The following SPTBN1 variants were observed in gnomAD, a reference collection of about 807,000 sequenced individuals.
SPTBN1 encodes the protein spectrin beta chain, non-erythrocytic 1.
A neutral mutation model predicts 266.4 loss-of-function variants in SPTBN1; 32 were observed. That is an observed-to-expected ratio of 0.12 (90% CI 0.09 to 0.16). SPTBN1 has a LOEUF of 0.16. SPTBN1 is among the 10% of genes least tolerant of loss of function. The pLI, the probability that SPTBN1 is intolerant of heterozygous loss-of-function variation, is 1.00. For missense variants in SPTBN1, 2,296 were observed against 3,067.1 expected (o/e 0.75, Z 5.94); for synonymous variants, 1,336 against 1,162.2 (o/e 1.15, Z -3.04).
At chr2:54,596,474 C>T (rs1676099501) in intron 2 of SPTBN1, among the ~76,000 whole-genome samples, 2 of 152,124 alleles carry the variant, frequency 1.3e-5, no homozygotes, top group Admixed American at 6.5e-5. Flanking sequence ...TCCTGCCCCT[C>T]GTGTGTTATG....
At chr2:54,576,889 G>C (rs1674522541) in intron 2 of SPTBN1, among the ~76,000 whole-genome samples, 2 of 152,154 alleles carry the variant, frequency 1.3e-5, no homozygotes, top group African/African-American at 4.8e-5. Flanking sequence ...CCTGGGATGT[G>C]GGGGAAGCAT....
At chr2:54,492,852 T>C (rs1457608228) in intron 1 of SPTBN1, among the ~76,000 whole-genome samples, 1 of 152,210 alleles carries the variant, frequency 6.6e-6, no homozygotes, top group African/African-American at 2.4e-5. Context: ...AGACTCTGTT[T>C]AGCTCTGTTA....
chr2:54,651,024 C>G (rs1026506536), intron 26 of SPTBN1, among the ~76,000 whole-genome samples: 1 of 152,118 alleles, frequency 6.6e-6, no homozygotes. Context: ...AGCTTTGGTT[C>G]CCTAATAGTT....
At chr2:54,492,349 GT>G (rs542155672) in intron 1 of SPTBN1, among the ~76,000 whole-genome samples, 68 of 132,624 alleles carry the variant, frequency 5.1e-4, no homozygotes, top group Non-Finnish European at 7.7e-4. Context: ...TTGTTTTTTT[GT>G]TTTTTTTTTT....
At chr2:54,521,565 G>A (rs1439891617) in intron 1 of SPTBN1, among the ~76,000 whole-genome samples, 1 of 152,164 alleles carries the variant, frequency 6.6e-6, no homozygotes, top group East Asian at 1.9e-4. Context: ...TTGGGCTGGA[G>A]TGCAGTGACA....
At chr2:54,610,178 C>G (rs1358482857) in intron 3 of SPTBN1, among the ~76,000 whole-genome samples, 1 of 151,222 alleles carries the variant, frequency 6.6e-6, no homozygotes, top group African/African-American at 2.4e-5. Context: ...TAAGCCAAAC[C>G]TCTTTCCGAA....
rs757209902 is a variant in SPTBN1, at chr2:54,647,206, G to T, written c.4942G>T (p.Val1648Leu). Residue 1648 changes from valine to leucine, a missense_variant, in exon 24 of 36, where the codon GTG (valine) becomes TTG (leucine). By Grantham distance (32) the Val-to-Leu change is conservative (BLOSUM62 1). This residue lies in a region of SPTBN1 where 644 missense variants were observed against 745.3 expected (regional missense o/e 0.86). Coordinates refer to ENST00000356805, the MANE Select transcript of SPTBN1 (RefSeq NM_003128.3). The part of the protein sequence containing the change: ...EQAVEDYAET[V>L]HQLSKTSRAL... ...AGCTGTGGAGGACTATGCAGAGACC[G>T]TGCATCAGCTCTCCAAGACCAGCCG... The T allele has an allele frequency of 2.5e-6, 4 of 1,614,024 alleles. No individual in the cohort carries two copies. Among genetic ancestry groups the T allele is most frequent in the Admixed American group, 3.3e-5 (2 of 60,000 alleles).
At chr2:54,469,166 CT>C (rs777986094) in intron 1 of SPTBN1, among the ~76,000 whole-genome samples, 1 of 152,186 alleles carries the variant, frequency 6.6e-6, no homozygotes, top group Non-Finnish European at 1.5e-5. Flanking sequence ...CCTTTGTTGC[CT>C]TTAACTCTAG....
At chr2:54,597,356 CT>C (rs1676156153) in intron 2 of SPTBN1, among the ~76,000 whole-genome samples, 1 of 152,216 alleles carries the variant, frequency 6.6e-6, no homozygotes, top group Non-Finnish European at 1.5e-5. Context: ...TGCATGTGGT[CT>C]TTTCTGTGGG....
chr2:54,648,894 C>T (rs1215012152), intron 24 of SPTBN1, 92 bp from the exon 25 acceptor site: 2 of 1,166,140 alleles, frequency 1.7e-6, no homozygotes, highest in East Asian at 2.6e-5. Flanking sequence ...ATGTAATATG[C>T]TCTCCCATTA....
At chr2:54,620,169 A>G (rs1187525028) in intron 7 of SPTBN1, among the ~76,000 whole-genome samples, 2 of 152,236 alleles carry the variant, frequency 1.3e-5, no homozygotes, top group Non-Finnish European at 2.9e-5. Context: ...GTGGAGTGGC[A>G]TAGGGGCTTG....
At chr2:54,594,635 G>GA (rs888923664) in intron 2 of SPTBN1, among the ~76,000 whole-genome samples, 1 of 151,908 alleles carries the variant, frequency 6.6e-6, no homozygotes, top group Non-Finnish European at 1.5e-5. Context: ...TAATAAAAAA[G>GA]AAAAAAAGTC....
intron 32 of SPTBN1, chr2:54,661,579 A>G (rs747030073): frequency 7.7e-5 from 76 of 985,746 alleles, no homozygotes; most frequent in Non-Finnish European, 1.9e-5. Flanking sequence ...GGTAGTATGC[A>G]TCATTATTGG....
In SPTBN1 at chr2:54,558,512, C is replaced by A; in HGVS notation, c.148+31946C>A. On this transcript the variant is annotated intron_variant, in intron 2 of 35. Coordinates refer to ENST00000356805, the MANE Select transcript of SPTBN1 (RefSeq NM_003128.3). The surrounding 1 kb of genome is among the most constrained non-coding windows in gnomAD (Gnocchi z 4.6). ...CTCCTCTCTGCTTCTCCCTCCTCCT[C>A]AGTAATTTATTTCGAGCTTCCAGGC... 8.2e-7 allele frequency: 1 copy of A among 1,226,198 alleles called. No homozygotes were observed. Among genetic ancestry groups the A allele is most frequent in the Non-Finnish European group, 1.0e-6 (1 of 979,714 alleles). 76.0% of individuals were successfully genotyped at this position (1,226,198 alleles called of 1,614,324 possible).
intron 2 of SPTBN1, among the ~76,000 whole-genome samples, chr2:54,574,981 G>A (rs980226840): frequency 6.6e-6 from 1 of 152,196 alleles, no homozygotes. Flanking sequence ...ATGACTTGAG[G>A]TGGCAGCCTC....
chr2:54,664,471 A>G lies in SPTBN1; in HGVS notation c.6439A>G (p.Thr2147Ala). Residue 2147 changes from threonine to alanine, a missense_variant, in exon 33 of 36, where the codon ACA becomes GCA. Physicochemically the swap from Thr to Ala is moderately conservative, Grantham distance 58. Transcript: ENST00000356805. This position sits in a 1 kb window ranked among gnomAD's most constrained non-coding sequence, Gnocchi z 5.6. ...TCCCTAGATGGCAGAAACGGTGGAC[A>G]CAAGCGAAATGGTCAACGGCGCTAC... ...GSPRMAETVD[T>A]SEMVNGATEQ... The G allele has an allele frequency of 1.3e-5, 21 of 1,612,548 alleles. No homozygotes were observed. Among genetic ancestry groups the G allele is most frequent in the Non-Finnish European group, 1.7e-5 (20 of 1,178,654 alleles).
At chr2:54,478,028 G>A (rs1012353722) in intron 1 of SPTBN1, among the ~76,000 whole-genome samples, 1 of 152,122 alleles carries the variant, frequency 6.6e-6, no homozygotes, top group Non-Finnish European at 1.5e-5. Flanking sequence ...GTTGATACCA[G>A]TATTGTGGAA....
intron 19 of SPTBN1, 108 bp from the exon 20 acceptor site, chr2:54,644,215 G>T: frequency 7.3e-7 from 1 of 1,373,192 alleles, no homozygotes; most frequent in Middle Eastern, 1.9e-4. Context: ...TGTGTGTATT[G>T]AGTGAATGGT....
At chr2:54,599,011 G>A (rs1171358422) in intron 2 of SPTBN1, 81 bp from the exon 3 acceptor site, 2 of 1,530,746 alleles carry the variant, frequency 1.3e-6, no homozygotes, top group Non-Finnish European at 8.9e-7. Context: ...CCTCTGGCTG[G>A]GGTCTTGTGG....
Sources: gnomAD v4.1 joint callset for allele counts (sites outside exome capture counted in the v4.1 genomes callset) on GRCh38, gnomAD v4.1.1 for gene constraint, gnomAD v4.1.1 regional missense constraint, Gnocchi (gnomAD v3.1) non-coding constraint, MANE v1.5 for transcripts, NCBI Gene and HGNC (gene_info 2026-07-23, HGNC 2026-07-21) for gene names.